The following NXPH1 variants were observed in gnomAD, a reference collection of about 807,000 sequenced individuals.
NXPH1 encodes the protein neurexophilin 1, also known as neurexophilin-1.
In NXPH1, 5 loss-of-function variants were observed where a neutral mutation model predicts 23.7. The observed-to-expected ratio is 0.21, with a 90% CI of 0.11 to 0.44. The LOEUF (loss-of-function observed/expected upper bound fraction) is 0.44. Ranked by LOEUF, NXPH1 falls within the 20% of genes least tolerant of loss-of-function variation. The pLI, the probability that NXPH1 is intolerant of heterozygous loss-of-function variation, is 0.99. For missense variants in NXPH1, 324 were observed against 321.6 expected (o/e 1.01, Z -0.06); for synonymous variants, 144 against 122.2 (o/e 1.18, Z -1.18).
intron 2 of NXPH1, among the ~76,000 whole-genome samples, chr7:8,495,418 A>C (rs753043355): frequency 2.4e-4 from 36 of 152,106 alleles, no homozygotes; most frequent in Non-Finnish European, 4.6e-4. Flanking sequence ...TTGACCAAAC[A>C]ACCGAACACC....
At chr7:8,499,555 C>G (rs1416244926) in intron 2 of NXPH1, among the ~76,000 whole-genome samples, 1 of 152,034 alleles carries the variant, frequency 6.6e-6, no homozygotes, top group Non-Finnish European at 1.5e-5. Context: ...CAAAAACAGA[C>G]AGTGCAAAAA....
intron 2 of NXPH1, among the ~76,000 whole-genome samples, chr7:8,507,643 G>A (rs912048649): frequency 6.6e-6 from 1 of 152,108 alleles, no homozygotes; most frequent in Non-Finnish European, 1.5e-5. Context: ...ATTGATTGAA[G>A]CTGAAAGCTG....
chr7:8,598,492 G>A (rs888772964), intron 2 of NXPH1, among the ~76,000 whole-genome samples: 2 of 152,046 alleles, frequency 1.3e-5, no homozygotes, highest in African/African-American at 2.4e-5. Context: ...CCTCTCTCCC[G>A]CAACTAGACT....
chr7:8,568,306 A>G (rs1818583574), intron 2 of NXPH1, among the ~76,000 whole-genome samples: 1 of 151,930 alleles, frequency 6.6e-6, no homozygotes, highest in African/African-American at 2.4e-5. Flanking sequence ...TAGGCAAACA[A>G]GAACTAATAA....
intron 2 of NXPH1, among the ~76,000 whole-genome samples, chr7:8,450,811 G>T (rs1047548396): frequency 1.3e-5 from 2 of 152,332 alleles, no homozygotes; most frequent in East Asian, 3.9e-4. Context: ...AATTCAAAAT[G>T]CCATTTGACC....
At chr7:8,665,908 T>TTTG (rs1343861708) in intron 2 of NXPH1, among the ~76,000 whole-genome samples, 117 of 25,714 alleles carry the variant, frequency 4.6e-3, no homozygotes, top group Admixed American at 7.9e-3. Flanking sequence ...AGAGGTTTTT[T>TTTG]TTTCTTTTTC....
chr7:8,654,019 A>C (rs2349768), intron 2 of NXPH1, among the ~76,000 whole-genome samples: 101,935 of 152,040 alleles, frequency 0.67, 34,654 homozygotes, highest in East Asian at 0.83. Context: ...CTTTCATTGT[A>C]GTTTTGCCTT....
At chr7:8,475,311 G>T (rs1056948045) in intron 2 of NXPH1, among the ~76,000 whole-genome samples, 2 of 151,968 alleles carry the variant, frequency 1.3e-5, no homozygotes, top group African/African-American at 2.4e-5. Context: ...TTCCTTTGAG[G>T]TTTACCTTTA....
At chr7:8,705,169 C>T (rs986740011) in intron 2 of NXPH1, among the ~76,000 whole-genome samples, 3 of 152,146 alleles carry the variant, frequency 2.0e-5, no homozygotes, top group South Asian at 2.1e-4. Flanking sequence ...AGACTGCACT[C>T]ACAGGTTTAT....
intron 2 of NXPH1, among the ~76,000 whole-genome samples, chr7:8,517,238 A>G (rs573858361): frequency 1.3e-5 from 2 of 152,228 alleles, no homozygotes; most frequent in South Asian, 4.1e-4. Flanking sequence ...TTGCGGGGCC[A>G]CAGAGAGGTA....
intron 2 of NXPH1, among the ~76,000 whole-genome samples, chr7:8,693,016 G>A (rs1821245658): frequency 6.6e-6 from 1 of 152,082 alleles, no homozygotes; most frequent in African/African-American, 2.4e-5. Context: ...TAAATATTTA[G>A]AAGGAGCTCT....
intron 2 of NXPH1, among the ~76,000 whole-genome samples, chr7:8,717,626 C>T (rs895687546): frequency 1.3e-5 from 2 of 152,094 alleles, no homozygotes; most frequent in Non-Finnish European, 2.9e-5. Context: ...ACTTTCTGGG[C>T]CACAAGGCAC....
At chr7:8,708,526 A>G (rs1779738248) in intron 2 of NXPH1, among the ~76,000 whole-genome samples, 1 of 151,628 alleles carries the variant, frequency 6.6e-6, no homozygotes, top group African/African-American at 2.4e-5. Flanking sequence ...ATGCCTGGCT[A>G]ATTTTTTGTA....
chr7:8,652,012 C>T (rs1220548399), intron 2 of NXPH1, among the ~76,000 whole-genome samples: 1 of 152,130 alleles, frequency 6.6e-6, no homozygotes, highest in Non-Finnish European at 1.5e-5. Context: ...ACCCTATTTT[C>T]TGCTTCTTTT....
At chr7:8,443,845 C>T (rs1816351007) in intron 2 of NXPH1, among the ~76,000 whole-genome samples, 2 of 152,108 alleles carry the variant, frequency 1.3e-5, no homozygotes, top group South Asian at 4.2e-4. Context: ...ACTTACCAAA[C>T]CGCAACAACA....
chr7:8,556,621 C>G (rs1271063449), intron 2 of NXPH1, among the ~76,000 whole-genome samples: 1 of 151,718 alleles, frequency 6.6e-6, no homozygotes, highest in Non-Finnish European at 1.5e-5. Context: ...ATTACATCAT[C>G]AGAAACAAAC....
chr7:8,597,796 A>T (rs929589981), intron 2 of NXPH1, among the ~76,000 whole-genome samples: 8 of 152,030 alleles, frequency 5.3e-5, no homozygotes, highest in Non-Finnish European at 8.8e-5. Context: ...GTCATTCTTT[A>T]GCTACTGTTA....
At chr7:8,637,789 C>T (rs1820242884) in intron 2 of NXPH1, among the ~76,000 whole-genome samples, 1 of 152,134 alleles carries the variant, frequency 6.6e-6, no homozygotes, top group Non-Finnish European at 1.5e-5. Context: ...ATTTTTCTTA[C>T]ATAAGTGGTT....
At chr7:8,625,956 C>A (rs962895236) in intron 2 of NXPH1, among the ~76,000 whole-genome samples, 1 of 152,112 alleles carries the variant, frequency 6.6e-6, no homozygotes, top group Admixed American at 6.6e-5. Flanking sequence ...CTATGACCTT[C>A]AATTAGTTAT....
Sources: gnomAD v4.1 joint callset for allele counts (sites outside exome capture counted in the v4.1 genomes callset) on GRCh38, gnomAD v4.1.1 for gene constraint, MANE v1.5 for transcripts, NCBI Gene and HGNC (gene_info 2026-07-23, HGNC 2026-07-21) for gene names.